TMEM131: variants seen among roughly 807,000 people sequenced by gnomAD.
TMEM131 encodes the protein 2610524E03Rik.
In TMEM131, 66 loss-of-function variants were observed where a neutral mutation model predicts 211.6. That is an observed-to-expected ratio of 0.31 (90% confidence interval 0.26 to 0.38). The LOEUF is 0.38. Among genes scored for constraint, TMEM131 ranks in the 10% least tolerant of loss-of-function variants. The probability of loss-of-function intolerance (pLI) is 1.00; values close to 1 mark genes in which losing one functional copy is unlikely to be tolerated. For synonymous variants in TMEM131, 844 were observed against 841.3 expected, an observed-to-expected ratio of 1.00 and a Z score of -0.06; for missense variants, 2,036 against 2,299.3, an observed-to-expected ratio of 0.89 and a Z score of 2.34.
At position 97,827,130 on chromosome 2, in the gene TMEM131, T is replaced by C. The variant is rs971597991; in HGVS notation, c.1074+6235A>G. ...AACTTACAAGGTTTTCAACAAAAGT[T>C]TGCTAAAAGTTAACAGTGTTGGGGA... On this transcript the variant is annotated intron_variant, in intron 11 of 40. Coordinates refer to ENST00000186436, the MANE Select transcript of TMEM131 (RefSeq NM_015348.2). 5.1e-5 allele frequency: 27 copies of C among 532,470 alleles called. No homozygotes were observed. The East Asian group carries it at 8.7e-4, about 17-fold the overall frequency. The allele number at this position is 532,470 out of a possible 1,614,324, so 33.0% of individuals were successfully genotyped here.
chr2:97,779,304 T>C (rs1321440385), intron 31 of TMEM131, among the ~76,000 whole-genome samples: 1 of 152,352 alleles, frequency 6.6e-6, no homozygotes, highest in South Asian at 2.1e-4. Flanking sequence ...CTAACCTGAC[T>C]GATAATACTG....
At chr2:97,893,959 A>G (rs956262598) in intron 3 of TMEM131, among the ~76,000 whole-genome samples, 4 of 152,156 alleles carry the variant, frequency 2.6e-5, no homozygotes, top group Non-Finnish European at 4.4e-5. Context: ...GCCCATGCCT[A>G]CGTCCTGAAT....
chr2:97,975,811 G>A (rs1286847716), intron 1 of TMEM131, among the ~76,000 whole-genome samples: 439 of 131,898 alleles, frequency 3.3e-3, no homozygotes, highest in East Asian at 7.2e-3. Context: ...GGTATTACAA[G>A]AAAAAAAAAA....
chr2:97,932,341 C>T (rs753978198), intron 1 of TMEM131, among the ~76,000 whole-genome samples: 1 of 152,146 alleles, frequency 6.6e-6, no homozygotes. Flanking sequence ...TTTCTTCCCT[C>T]ATTAGTTTTA....
intron 4 of TMEM131, among the ~76,000 whole-genome samples, chr2:97,878,962 C>T (rs779876198): frequency 7.2e-5 from 11 of 152,308 alleles, no homozygotes; most frequent in Admixed American, 1.3e-4. Context: ...AATCTTCATT[C>T]GGTGAGTACA....
intron 13 of TMEM131, 90 bp from the exon 14 acceptor site, chr2:97,814,478 T>C: frequency 8.0e-7 from 1 of 1,251,780 alleles, no homozygotes; most frequent in Admixed American, 2.9e-5. Flanking sequence ...AAGTAATAAT[T>C]TACATTTAGC....
intron 3 of TMEM131, among the ~76,000 whole-genome samples, chr2:97,902,047 C>A (rs1333873214): frequency 2.0e-5 from 3 of 152,064 alleles, no homozygotes; most frequent in Non-Finnish European, 4.4e-5. Flanking sequence ...ATGTATCAAA[C>A]TATCACATGT....
intron 4 of TMEM131, among the ~76,000 whole-genome samples, chr2:97,873,547 G>A (rs1312347147): frequency 6.6e-6 from 1 of 152,256 alleles, no homozygotes; most frequent in Non-Finnish European, 1.5e-5. Context: ...GCTTCCAGAG[G>A]AATGATCAGG....
At chr2:97,920,968 C>CAAGT (rs1284985326) in intron 2 of TMEM131, among the ~76,000 whole-genome samples, 14 of 101,448 alleles carry the variant, frequency 1.4e-4, no homozygotes, top group Admixed American at 4.0e-4. Context: ...TAAAAAATCC[C>CAAGT]GAGTGTGTGT....
In TMEM131 at chr2:97,773,741, T is replaced by C. The variant is rs1213547350; in HGVS notation, c.4321-1317A>G. Among the ~76,000 whole-genome samples, 23 of 151,944 alleles carry C rather than the reference T, an allele frequency of 1.5e-4. 1 individual carries two copies. Among genetic ancestry groups the C allele is most frequent in the Admixed American group, 1.5e-3 (23 of 15,272 alleles). On this transcript the variant is annotated intron_variant, in intron 32 of 40. Transcript: ENST00000186436. ...CCTCAGCCTCCTGAGTAGCTAGGAC[T>C]ACAGGCACATGCCACCACACCCAGC...
At chr2:97,785,318 T>C (rs886712815) in intron 31 of TMEM131, among the ~76,000 whole-genome samples, 4 of 152,066 alleles carry the variant, frequency 2.6e-5, no homozygotes, top group African/African-American at 7.2e-5. Flanking sequence ...AAATCAATAG[T>C]AGAAAAACCC....
At chr2:97,959,364 C>A (rs1678713407) in intron 1 of TMEM131, among the ~76,000 whole-genome samples, 1 of 151,880 alleles carries the variant, frequency 6.6e-6, no homozygotes, top group African/African-American at 2.4e-5. Flanking sequence ...CTGCTTCAGC[C>A]CCATGGTCAA....
rs1050466815 is a variant in TMEM131 at position 97,815,297 on chromosome 2, T to C, written c.1194A>G (p.Ala398=). ...TCCCAGAAAACTGAGATGGCTTTTT[T>C]GCCTTCGATGCTGAAAGGAAGCATA... ...VASISFDASK[A]KKPSQFSGKI... Residue 398 remains alanine (A), a synonymous_variant, in exon 13 of 41, where the codon GCA becomes GCG. Coordinates refer to ENST00000186436, the MANE Select transcript of TMEM131 (RefSeq NM_015348.2). The C allele has an allele frequency of 6.4e-7, 1 of 1,564,598 alleles. No homozygotes were observed. The highest frequency in any genetic ancestry group is 1.4e-5 in the African/African-American group (1 of 71,660).
rs1681086598 is a variant in TMEM131, at chr2:97,802,608, C to T, written c.2541+44G>A. 2.5e-6 allele frequency: 4 copies of T among 1,606,378 alleles called. No homozygotes were observed. In the African/African-American group the frequency reaches 4.0e-5, roughly 16 times the overall value. The stretch of plus-strand genomic sequence containing the variant: ...AAGCTAAGAGTAAATACTTTATAAT[C>T]CTAGTATGTATTTCCAAAAACCAAT... On this transcript the variant is annotated intron_variant, in intron 23 of 40. Coordinates refer to ENST00000186436, the MANE Select transcript of TMEM131 (RefSeq NM_015348.2).
chr2:97,790,023 G>C (rs1680426324), intron 31 of TMEM131, among the ~76,000 whole-genome samples: 1 of 152,116 alleles, frequency 6.6e-6, no homozygotes, highest in Non-Finnish European at 1.5e-5. Flanking sequence ...CCAAAAACCA[G>C]AAACTACATA....
chr2:97,872,873 TG>T (rs1297184771), intron 4 of TMEM131, among the ~76,000 whole-genome samples: 2 of 152,142 alleles, frequency 1.3e-5, no homozygotes, highest in Non-Finnish European at 2.9e-5. Flanking sequence ...CATTGGCACC[TG>T]GAACACCAGC....
rs117527255 is a variant in TMEM131, at chr2:97,899,245, G to A, written c.290+9413C>T. On this transcript the variant is annotated intron_variant, in intron 3 of 40. Coordinates refer to ENST00000186436, the MANE Select transcript of TMEM131 (RefSeq NM_015348.2). ...GCATTTTAAAGATTAGTGTTTACTTGTTTTCCTAGGTCTTTTTACATTTAA... is the reference window on the plus strand; with the variant it reads ...GCATTTTAAAGATTAGTGTTTACTTATTTTCCTAGGTCTTTTTACATTTAA... 2.4e-3 allele frequency among the ~76,000 whole-genome samples: 370 copies of A among 152,176 alleles called. 5 individuals carry two copies. The East Asian group carries it at 0.026, about 11-fold the overall frequency.
chr2:97,846,366 T>C lies in TMEM131; in HGVS notation c.484-2105A>G, dbSNP rs191228149. Among the ~76,000 whole-genome samples, 32 of 152,330 alleles carry C rather than the reference T, an allele frequency of 2.1e-4. No individual in the cohort carries two copies. In the East Asian group the frequency reaches 4.6e-3, roughly 22 times the overall value. ...CATCATGAGCAAGTAGTTTTTAACC[T>C]AGAAATGCAATTCTAGTTCAACATT... is the stretch of plus-strand genomic sequence containing the variant. On this transcript the variant is annotated intron_variant, in intron 5 of 40. Transcript: ENST00000186436.
Position 97,833,424 on chromosome 2 carries a change from G to A in TMEM131, c.1015C>T (p.Leu339=). 1 of 1,322,306 alleles carries A rather than the reference G, an allele frequency of 7.6e-7. No individual in the cohort carries two copies. Among genetic ancestry groups the A allele is most frequent in the Non-Finnish European group, 1.1e-6 (1 of 950,996 alleles). The allele number at this position is 1,322,306 out of a possible 1,614,324, so 81.9% of individuals were successfully genotyped here. ...LDFGTLRTQD[L]PKVLNLHLLN... ...AAATGAAGGTTTAAAACTTTTGGTA[G>A]ATCTGTTAAAATTGAGGAAAAGAAA... Residue 339 remains leucine (L), a splice_region_variant and synonymous_variant, in exon 11 of 41, where the codon CTA becomes TTA. Coordinates refer to ENST00000186436, the MANE Select transcript of TMEM131 (RefSeq NM_015348.2).
Sources: gnomAD v4.1 joint callset for allele counts (sites outside exome capture counted in the v4.1 genomes callset) on GRCh38, gnomAD v4.1.1 for gene constraint, MANE v1.5 for transcripts, NCBI Gene and HGNC (gene_info 2026-07-23, HGNC 2026-07-21) for gene names.